COL22A1: variants seen among roughly 807,000 people sequenced by gnomAD.
The protein encoded by COL22A1 is collagen type XXII alpha 1 chain.
A neutral mutation model predicts 248.9 loss-of-function variants in COL22A1; 221 were observed. That is an observed-to-expected ratio of 0.89 (90% CI 0.80 to 0.99). The LOEUF is 0.99. Ranked by LOEUF, COL22A1 falls within the 50% of genes least tolerant of loss-of-function variation. The pLI, the probability that COL22A1 is intolerant of heterozygous loss-of-function variation, is 0.00. For missense variants in COL22A1, 2,240 were observed against 2,179.0 expected, an observed-to-expected ratio of 1.03 and a Z score of -0.56; for synonymous variants, 891 against 793.4, an observed-to-expected ratio of 1.12 and a Z score of -2.07.
rs1817761407 is a variant in COL22A1 at position 138,598,887 on chromosome 8, C to T, written c.4197G>A (p.Gly1399=). The T allele has an allele frequency of 1.8e-5, 29 of 1,614,106 alleles. No individual in the cohort carries two copies. Among genetic ancestry groups the T allele is most frequent in the Non-Finnish European group, 2.5e-5 (29 of 1,180,004 alleles). The change falls in exon 61 of 65, where the codon GGG becomes GGA. Residue 1399 remains glycine (G), a synonymous_variant. Coordinates refer to ENST00000303045, the MANE Select transcript of COL22A1 (RefSeq NM_152888.3). ...CAGGAGGTCCTTTGTCACCTTTGAT[C>T]CCAGGATCTCCCTAAGGAGGAAATA... ...PGFKGERGDP[G]IKGDKGPPGG...
At chr8:138,775,746 C>A (rs1026739345) in intron 16 of COL22A1, among the ~76,000 whole-genome samples, 3 of 152,210 alleles carry the variant, frequency 2.0e-5, no homozygotes, top group African/African-American at 7.2e-5. Context: ...GCCTTCCCAG[C>A]ACAACTTACA....
intron 18 of COL22A1, among the ~76,000 whole-genome samples, chr8:138,759,491 T>G (rs1833273158): frequency 6.6e-6 from 1 of 152,234 alleles, no homozygotes; most frequent in African/African-American, 2.4e-5. Context: ...TGGAAGAATG[T>G]CATCCTCTTG....
At chr8:138,773,101 A>G (rs1365950236) in intron 16 of COL22A1, among the ~76,000 whole-genome samples, 1 of 152,182 alleles carries the variant, frequency 6.6e-6, no homozygotes, top group Non-Finnish European at 1.5e-5. Flanking sequence ...TTCTTTTTGC[A>G]CTTCAGATTA....
chr8:138,661,001 TAC>T (rs1295468317), intron 43 of COL22A1, among the ~76,000 whole-genome samples: 3 of 50,672 alleles, frequency 5.9e-5, no homozygotes, highest in Admixed American at 1.8e-4. Context: ...CACATACACA[TAC>T]ACAGACACAC....
In COL22A1 at chr8:138,676,632, C is replaced by T. The variant is rs1281203824; in HGVS notation, c.3076G>A (p.Asp1026Asn). The change falls in exon 41 of 65, where the codon GAT (aspartate) becomes AAT (asparagine). Residue 1026 changes from aspartate to asparagine, a missense_variant. Physicochemically the swap from Asp to Asn is conservative, Grantham distance 23. Transcript: ENST00000303045. ...CCAGGGATCCCAGGAGCTCCTCGAT[C>T]CCCCTAGAAAGAGAGAAAAATAAGA... ...CALGGQCVKGDRGAPGIPGSP... is the reference protein window; with the variant it reads ...CALGGQCVKGNRGAPGIPGSP... The T allele has an allele frequency of 3.2e-6, 5 of 1,560,640 alleles. No individual in the cohort carries two copies. The Admixed American group carries it at 5.8e-5, about 18-fold the overall frequency.
At chr8:138,664,201 GCGCGCGCGCACACACA>G (rs1365416086) in intron 41 of COL22A1, among the ~76,000 whole-genome samples, 2 of 87,872 alleles carry the variant, frequency 2.3e-5, no homozygotes, top group Middle Eastern at 5.7e-3. Flanking sequence ...GGGTGCGCGC[GCGCGCGCGCACACACA>G]CACACACACA....
chr8:138,844,705 C>T (rs1445923314), intron 3 of COL22A1, among the ~76,000 whole-genome samples: 3 of 151,904 alleles, frequency 2.0e-5, no homozygotes, highest in Non-Finnish European at 4.4e-5. Flanking sequence ...AATCCCAGCA[C>T]TTTGGGAGGC....
Position 138,806,074 on chromosome 8 carries a change from G to A in COL22A1, c.1494+1694C>T, listed in dbSNP as rs1563788251. Among the ~76,000 whole-genome samples, 53 of 103,364 alleles carry A rather than the reference G, an allele frequency of 5.1e-4. 3 individuals are homozygous for A. Among genetic ancestry groups the A allele is most frequent in the African/African-American group, 8.9e-4 (19 of 21,436 alleles). 67.8% of individuals were successfully genotyped at this position (103,364 alleles called of 152,430 possible). A position where few individuals can be genotyped will look rare whatever the true frequency, so the allele number is the denominator to read the frequency against. On this transcript the variant is annotated intron_variant, in intron 10 of 64. Transcript: ENST00000303045. ...GGTAATGGTGTGTGGTGGTGTGTGTGATGGTGTGTGTAATGGTGTGTGATG... is the reference window on the plus strand; with the variant it reads ...GGTAATGGTGTGTGGTGGTGTGTGTAATGGTGTGTGTAATGGTGTGTGATG...
intron 1 of COL22A1, among the ~76,000 whole-genome samples, chr8:138,909,811 C>T (rs80095588): frequency 0.013 from 2,009 of 152,298 alleles, 17 homozygotes; most frequent in Middle Eastern, 0.044. Flanking sequence ...CAGGACTTCC[C>T]TTTGCTTGTG....
At chr8:138,644,864 G>A (rs1410690978) in intron 47 of COL22A1, among the ~76,000 whole-genome samples, 3 of 152,122 alleles carry the variant, frequency 2.0e-5, no homozygotes, top group African/African-American at 2.4e-5. Context: ...GGTTTCTGCT[G>A]GAGGCTATGC....
rs183186426 is a variant in COL22A1, at chr8:138,835,133, G to T, written c.734-1983C>A. On this transcript the variant is annotated intron_variant, in intron 4 of 64. Coordinates refer to ENST00000303045, the MANE Select transcript of COL22A1 (RefSeq NM_152888.3). ...TCTGAGCAGGGCAAGGTTGCTCTGG[G>T]ATTGAAACCCTGCACTTTTTGGATT... Among the ~76,000 whole-genome samples the T allele has an allele frequency of 7.9e-4, 120 of 152,302 alleles. 1 individual carries two copies. The highest frequency in any genetic ancestry group is 1.3e-3 in the Non-Finnish European group (88 of 68,018).
intron 22 of COL22A1, among the ~76,000 whole-genome samples, chr8:138,747,746 C>T (rs565405096): frequency 6.6e-6 from 1 of 152,192 alleles, no homozygotes; most frequent in African/African-American, 2.4e-5. Flanking sequence ...ACAACAATGC[C>T]TGGTACCCAG....
intron 1 of COL22A1, among the ~76,000 whole-genome samples, chr8:138,902,731 T>TATATATA (rs201478727): frequency 0.018 from 1,606 of 91,262 alleles, 29 homozygotes; most frequent in African/African-American, 0.036. Flanking sequence ...TATAAATATA[T>TATATATA]ATATATATAC....
intron 7 of COL22A1, among the ~76,000 whole-genome samples, chr8:138,814,773 G>T (rs1818539837): frequency 6.6e-6 from 1 of 152,146 alleles, no homozygotes; most frequent in Non-Finnish European, 1.5e-5. Context: ...CATGTTTGTT[G>T]TTTTAATCTG....
At chr8:138,877,015 C>T (rs905724114) in intron 3 of COL22A1, among the ~76,000 whole-genome samples, 3 of 152,234 alleles carry the variant, frequency 2.0e-5, no homozygotes, top group African/African-American at 4.8e-5. Context: ...TCCTTCCTGT[C>T]CTGGGGAGGG....
intron 3 of COL22A1, among the ~76,000 whole-genome samples, chr8:138,861,406 TCAGTTATCCAC>T (rs1342169449): frequency 1.3e-5 from 2 of 152,178 alleles, no homozygotes; most frequent in Non-Finnish European, 2.9e-5. Context: ...AGCTGGCAAG[TCAGTTATCCAC>T]CAGTTATCCA....
intron 21 of COL22A1, among the ~76,000 whole-genome samples, chr8:138,752,240 G>C (rs1832666324): frequency 6.6e-6 from 1 of 152,152 alleles, no homozygotes; most frequent in Non-Finnish European, 1.5e-5. Flanking sequence ...TCATGTGAGT[G>C]GGAAACTGAA....
intron 27 of COL22A1, 140 bp downstream of exon 27, chr8:138,720,599 T>C: frequency 4.1e-6 from 3 of 733,288 alleles, no homozygotes; most frequent in African/African-American, 1.8e-5. Context: ...ACCCTGCCCC[T>C]TTTCAAGTAT....
intron 56 of COL22A1, among the ~76,000 whole-genome samples, chr8:138,610,817 A>C (rs547554607): frequency 2.6e-5 from 4 of 152,296 alleles, no homozygotes; most frequent in Admixed American, 6.5e-5. Context: ...TAATTTCAGC[A>C]CTTTGGGAGG....
Sources: allele counts gnomAD v4.1 joint callset (sites outside exome capture counted in the v4.1 genomes callset), GRCh38; gene constraint gnomAD v4.1.1; transcripts MANE v1.5; gene names NCBI Gene and HGNC (gene_info 2026-07-23, HGNC 2026-07-21).